Variants in OSBPL10 observed in about 807,000 individuals in gnomAD.
OSBPL10 encodes oxysterol-binding protein-related protein 10.
A neutral mutation model predicts 81.7 loss-of-function variants in OSBPL10; 49 were observed. The ratio of observed to expected loss-of-function variants is 0.60; its 90% CI spans 0.48 to 0.76. The LOEUF (loss-of-function observed/expected upper bound fraction) is 0.76. Among genes scored for constraint, OSBPL10 ranks in the 30% least tolerant of loss-of-function variants. The pLI is 0.00. For missense variants in OSBPL10, 923 were observed against 987.8 expected, an observed-to-expected ratio of 0.93 and a Z score of 0.88; for synonymous variants, 419 against 383.6, an observed-to-expected ratio of 1.09 and a Z score of -1.08.
At chr3:31,758,698 C>G (rs966998703) in intron 4 of OSBPL10, among the ~76,000 whole-genome samples, 1 of 152,230 alleles carries the variant, frequency 6.6e-6, no homozygotes, top group Non-Finnish European at 1.5e-5. Flanking sequence ...AAACTCCACC[C>G]CTGGATCATG....
At position 32,007,612 on chromosome 3, in the gene OSBPL10, C is replaced by T. The variant is rs556442001; in HGVS notation, n.298+38879G>A. 6.6e-4 allele frequency among the ~76,000 whole-genome samples: 100 copies of T among 152,240 alleles called. No individual in the cohort carries two copies. The Middle Eastern group carries it at 0.01, about 16-fold the overall frequency. On this transcript the variant is annotated intron_variant and non_coding_transcript_variant, in intron 2 of 3. Transcript: ENST00000479173. The stretch of plus-strand genomic sequence containing the variant: ...CACTTTTTCTGTATATGTCAAAGTT[C>T]CCTCTGCCTCTCTCTTATACGGACA...
At chr3:31,929,683 G>A (rs926125518) in intron 1 of OSBPL10, among the ~76,000 whole-genome samples, 2 of 151,200 alleles carry the variant, frequency 1.3e-5, no homozygotes, top group Non-Finnish European at 2.9e-5. Flanking sequence ...GGGAGGCGGA[G>A]CTTGCAGTGA....
chr3:32,005,234 T>G (rs1699192771), intron 2 of OSBPL10, among the ~76,000 whole-genome samples: 1 of 152,184 alleles, frequency 6.6e-6, no homozygotes. Context: ...CCTTGCCCCC[T>G]ATCCCCAACA....
chr3:31,988,611 T>G (rs139635737), intron 2 of OSBPL10: 351 of 175,390 alleles, frequency 2.0e-3, no homozygotes, highest in Middle Eastern at 5.5e-3. Context: ...ACTCTCGCTC[T>G]CTCTCTCTCT....
chr3:31,811,186 T>C (rs570813743), intron 4 of OSBPL10, among the ~76,000 whole-genome samples: 4 of 150,948 alleles, frequency 2.6e-5, no homozygotes, highest in African/African-American at 7.3e-5. Flanking sequence ...TGCAGAGGGG[T>C]TGGGGTGTGG....
chr3:31,953,805 G>A (rs990531530), intron 1 of OSBPL10, among the ~76,000 whole-genome samples: 6 of 152,136 alleles, frequency 3.9e-5, no homozygotes, highest in South Asian at 2.1e-4. Context: ...GTCACCATAC[G>A]TGAAGATGTT....
chr3:31,860,010 G>C (rs745353454), intron 3 of OSBPL10, among the ~76,000 whole-genome samples: 1 of 152,138 alleles, frequency 6.6e-6, no homozygotes, highest in Non-Finnish European at 1.5e-5. Flanking sequence ...GGCATGGAGA[G>C]TATCTTAAGA....
chr3:31,684,580 A>G (rs1700743332), intron 7 of OSBPL10, among the ~76,000 whole-genome samples: 1 of 152,146 alleles, frequency 6.6e-6, no homozygotes, highest in South Asian at 2.1e-4. Flanking sequence ...GCCACTTCAT[A>G]GGGGGTCCAG....
chr3:32,048,438 G>A (rs1259064176), intron 1 of OSBPL10, among the ~76,000 whole-genome samples: 1 of 151,678 alleles, frequency 6.6e-6, no homozygotes, highest in Non-Finnish European at 1.5e-5. Context: ...CTCCCAAATA[G>A]CTGCGATTAC....
intron 1 of OSBPL10, among the ~76,000 whole-genome samples, chr3:31,898,693 A>G (rs558210595): frequency 3.3e-5 from 5 of 152,222 alleles, no homozygotes; most frequent in East Asian, 1.9e-4. Context: ...AGGGACCTGC[A>G]TTTAAGGAGC....
rs1695507471 is a variant in OSBPL10, at chr3:31,879,833, G to A, written c.282-3C>T. The A allele has an allele frequency of 6.2e-7, 1 of 1,612,566 alleles. No individual in the cohort carries two copies. The highest frequency in any genetic ancestry group is 8.5e-7 in the Non-Finnish European group (1 of 1,179,470). On this transcript the variant is annotated splice_region_variant and splice_polypyrimidine_tract_variant and intron_variant, in intron 1 of 11. Transcript: ENST00000396556. ...CCTCGAAATCCAGTACGAAGTACCT[G>A]CACAGAGAAACCACAGTACATCATT...
At chr3:31,833,815 A>G (rs1700308605) in intron 3 of OSBPL10, among the ~76,000 whole-genome samples, 1 of 152,144 alleles carries the variant, frequency 6.6e-6, no homozygotes, top group Admixed American at 6.6e-5. Context: ...GGCAATAGAC[A>G]CCTTTGCCTG....
At chr3:32,030,297 TA>T in intron 2 of OSBPL10, 1 of 431,438 alleles carries the variant, frequency 2.3e-6, no homozygotes, top group Non-Finnish European at 4.4e-6. Context: ...TGCGAATCTA[TA>T]AGAAAGGTGA....
chr3:31,749,421 T>C (rs1697645087), intron 4 of OSBPL10, among the ~76,000 whole-genome samples: 1 of 152,252 alleles, frequency 6.6e-6, no homozygotes, highest in Non-Finnish European at 1.5e-5. Context: ...AATTGTTTTT[T>C]TGCAGATTAC....
intron 7 of OSBPL10, among the ~76,000 whole-genome samples, chr3:31,696,847 T>C (rs1404537922): frequency 1.3e-5 from 2 of 152,258 alleles, no homozygotes; most frequent in Non-Finnish European, 2.9e-5. Context: ...TCCAGATTTG[T>C]ATATATCCAA....
chr3:31,969,974 TA>T (rs911259189), intron 1 of OSBPL10, among the ~76,000 whole-genome samples: 1 of 151,994 alleles, frequency 6.6e-6, no homozygotes, highest in Non-Finnish European at 1.5e-5. Flanking sequence ...GCAGTGGAAT[TA>T]GCTGGTCCTA....
chr3:31,731,877 T>TA (rs1245481449), intron 6 of OSBPL10, among the ~76,000 whole-genome samples: 2 of 152,234 alleles, frequency 1.3e-5, no homozygotes, highest in African/African-American at 2.4e-5. Context: ...CAACTTTGTG[T>TA]AAAAAACAAC....
intron 1 of OSBPL10, among the ~76,000 whole-genome samples, chr3:31,976,335 A>G (rs1222329957): frequency 6.6e-6 from 1 of 152,230 alleles, no homozygotes; most frequent in Non-Finnish European, 1.5e-5. Context: ...CATTTCCCAC[A>G]TTTAGCAGAA....
chr3:31,676,180 C>A (rs1700469314), intron 8 of OSBPL10, among the ~76,000 whole-genome samples: 1 of 151,930 alleles, frequency 6.6e-6, no homozygotes, highest in Admixed American at 6.6e-5. Context: ...CTGGCAAGAC[C>A]ACATGCCTTT....
Sources: gnomAD v4.1 joint callset for allele counts (sites outside exome capture counted in the v4.1 genomes callset) on GRCh38, gnomAD v4.1.1 for gene constraint, MANE v1.5 for transcripts, NCBI Gene and HGNC (gene_info 2026-07-23, HGNC 2026-07-21) for gene names.